SPAG17: variants seen among roughly 807,000 people sequenced by gnomAD.
SPAG17 encodes the protein sperm-associated antigen 17.
In SPAG17, 169 loss-of-function variants were observed where a neutral mutation model predicts 273.6. The ratio of observed to expected loss-of-function variants is 0.62; its 90% CI spans 0.55 to 0.70. SPAG17 has a LOEUF of 0.70. Ranked by LOEUF, SPAG17 falls within the 30% of genes least tolerant of loss-of-function variation. The pLI, the probability that SPAG17 is intolerant of heterozygous loss-of-function variation, is 0.00. For missense variants in SPAG17, 2,557 were observed against 2,627.8 expected, an observed-to-expected ratio of 0.97 and a Z score of 0.59; for synonymous variants, 825 against 873.2, an observed-to-expected ratio of 0.94 and a Z score of 0.97.
intron 1 of SPAG17, among the ~76,000 whole-genome samples, chr1:118,153,771 C>A (rs1241894863): frequency 1.3e-5 from 2 of 151,992 alleles, no homozygotes; most frequent in Admixed American, 1.3e-4. Flanking sequence ...ATGGCATGAA[C>A]CCAGGAGGCA....
chr1:118,031,680 AG>A lies in SPAG17; in HGVS notation c.3609+11del. The stretch of plus-strand genomic sequence containing the variant: ...AAACAGAGTTTGGGAATCTATGGCA[AG>A]GTTCATTTACCTTTTTCTCTTCTTC... On this transcript the variant is annotated intron_variant, in intron 25 of 48. Transcript: ENST00000336338. The A allele has an allele frequency of 6.2e-7, 1 of 1,610,998 alleles. No homozygotes were observed. The highest frequency in any genetic ancestry group is 8.5e-7 in the Non-Finnish European group (1 of 1,178,948).
At chr1:118,158,290 C>T (rs1334179809) in intron 1 of SPAG17, among the ~76,000 whole-genome samples, 1 of 152,114 alleles carries the variant, frequency 6.6e-6, no homozygotes, top group Non-Finnish European at 1.5e-5. Flanking sequence ...TAGAAACAAA[C>T]CAATTATCAA....
chr1:117,999,036 T>A (rs1003315050), intron 32 of SPAG17, among the ~76,000 whole-genome samples: 2 of 150,048 alleles, frequency 1.3e-5, no homozygotes, highest in Admixed American at 6.7e-5. Context: ...TGTGTCCAAG[T>A]GTTCTCATTG....
chr1:117,955,807 A>G (rs1652118001), intron 48 of SPAG17, among the ~76,000 whole-genome samples: 1 of 151,762 alleles, frequency 6.6e-6, no homozygotes. Flanking sequence ...CATTGTATGA[A>G]TAATTACTCG....
At chr1:118,100,475 T>C (rs2102217271) in intron 5 of SPAG17, among the ~76,000 whole-genome samples, 1 of 152,306 alleles carries the variant, frequency 6.6e-6, no homozygotes, top group Non-Finnish European at 1.5e-5. Context: ...TGTTATACTT[T>C]AATACTGATA....
intron 3 of SPAG17, among the ~76,000 whole-genome samples, chr1:118,132,964 G>A (rs148901438): frequency 6.6e-6 from 1 of 151,992 alleles, no homozygotes; most frequent in Non-Finnish European, 1.5e-5. Context: ...GTAGAGATAG[G>A]GTTTCACTAT....
At chr1:118,000,806 C>G (rs865831636) in intron 32 of SPAG17, among the ~76,000 whole-genome samples, 1 of 152,180 alleles carries the variant, frequency 6.6e-6, no homozygotes. Flanking sequence ...AATTGAATAC[C>G]CTTTATTTCT....
chr1:118,086,636 A>T (rs770528836), intron 12 of SPAG17, 35 bp downstream of exon 12: 4 of 1,564,770 alleles, frequency 2.6e-6, no homozygotes, highest in Non-Finnish European at 2.6e-6. Context: ...ACTTTCCCAC[A>T]TCGGTTTTCC....
At chr1:118,184,139 A>G (rs1661070036) in intron 1 of SPAG17, among the ~76,000 whole-genome samples, 1 of 152,174 alleles carries the variant, frequency 6.6e-6, no homozygotes, top group Non-Finnish European at 1.5e-5. Flanking sequence ...TGAAGGCAAC[A>G]CAAGACTTTA....
chr1:117,970,068 G>A lies in SPAG17; in HGVS notation c.6375C>T (p.Tyr2125=), dbSNP rs140016130. 3 of 1,613,694 alleles carry A rather than the reference G, an allele frequency of 1.9e-6. No homozygotes were observed. Among genetic ancestry groups the A allele is most frequent in the Non-Finnish European group, 2.5e-6 (3 of 1,179,820 alleles). The change falls in exon 46 of 49, where the codon TAC becomes TAT. Residue 2125 remains tyrosine, a synonymous_variant. Coordinates refer to ENST00000336338, the MANE Select transcript of SPAG17 (RefSeq NM_206996.4). The part of the protein sequence containing the change: ...PPPSTGLKVT[Y]KPGPVAAGMQ... Reference sequence around the variant, plus strand: ...ATATAGGACTTACAGGTCCAGGTTTGTAAGTCACTTTCAGTCCTGTGCTGG... The same window carrying A: ...ATATAGGACTTACAGGTCCAGGTTTATAAGTCACTTTCAGTCCTGTGCTGG...
At chr1:117,955,331 T>TA (rs1367496894) in intron 48 of SPAG17, 1 of 1,612,366 alleles carries the variant, frequency 6.2e-7, no homozygotes, top group Non-Finnish European at 8.5e-7. Flanking sequence ...GCTTATGTAT[T>TA]AGAGATTTTT....
intron 3 of SPAG17, among the ~76,000 whole-genome samples, chr1:118,127,152 C>T (rs1657781836): frequency 6.6e-6 from 1 of 152,016 alleles, no homozygotes; most frequent in African/African-American, 2.4e-5. Flanking sequence ...CTTAGTATCG[C>T]TTTAGAGAAT....
intron 3 of SPAG17, among the ~76,000 whole-genome samples, chr1:118,119,195 T>G (rs374007972): frequency 2.6e-4 from 40 of 152,258 alleles, no homozygotes; most frequent in African/African-American, 9.4e-4. Flanking sequence ...GAGAGAGAGA[T>G]AGAATGGACT....
intron 3 of SPAG17, among the ~76,000 whole-genome samples, chr1:118,144,121 C>A (rs946562199): frequency 6.6e-6 from 1 of 152,222 alleles, no homozygotes; most frequent in Non-Finnish European, 1.5e-5. Flanking sequence ...TTTTTGAATG[C>A]CTTTACTTGA....
At chr1:117,966,895 A>G (rs1409656806) in intron 46 of SPAG17, 142 bp from the exon 47 acceptor site, 19 of 611,562 alleles carry the variant, frequency 3.1e-5, no homozygotes. Context: ...AATGGTAGTT[A>G]TTATAAGCAT....
At position 118,184,985 on chromosome 1, in the gene SPAG17, C is replaced by T. The variant is rs181840970; in HGVS notation, c.87+86G>A. On this transcript the variant is annotated intron_variant, in intron 1 of 48. Coordinates refer to ENST00000336338, the MANE Select transcript of SPAG17 (RefSeq NM_206996.4). ...CCACGGAGAGATACGGAAGAGAGGG[C>T]GAGCCTTAAGGCGTCGCCTAGGAGG... The T allele has an allele frequency of 1.2e-3, 1,379 of 1,137,162 alleles. 13 individuals carry two copies. Among genetic ancestry groups the T allele is most frequent in the Non-Finnish European group, 2.6e-4 (195 of 760,032 alleles). The allele number at this position is 1,137,162 out of a possible 1,614,324, so 70.4% of individuals were successfully genotyped here.
chr1:118,062,529 A>C (rs1652446629), intron 18 of SPAG17, among the ~76,000 whole-genome samples: 1 of 152,064 alleles, frequency 6.6e-6, no homozygotes, highest in East Asian at 1.9e-4. Context: ...CTAGAAATAA[A>C]GAGGAACATG....
intron 10 of SPAG17, among the ~76,000 whole-genome samples, chr1:118,087,463 G>T (rs1655084299): frequency 6.6e-6 from 1 of 152,152 alleles, no homozygotes; most frequent in Admixed American, 6.5e-5. Context: ...CAGCAATCTT[G>T]TGGGGACAGA....
chr1:118,058,884 A>T (rs1651979528), intron 18 of SPAG17, among the ~76,000 whole-genome samples: 1 of 152,246 alleles, frequency 6.6e-6, no homozygotes, highest in African/African-American at 2.4e-5. Context: ...TATCAGATTG[A>T]TAAAAATCCT....
Sources: gnomAD v4.1 joint callset for allele counts (sites outside exome capture counted in the v4.1 genomes callset) on GRCh38, gnomAD v4.1.1 for gene constraint, MANE v1.5 for transcripts, NCBI Gene and HGNC (gene_info 2026-07-23, HGNC 2026-07-21) for gene names.